The following CDH9 variants were observed in gnomAD, a reference collection of about 807,000 sequenced individuals.
CDH9 encodes the protein cadherin 9.
Under a neutral mutation model 70.9 loss-of-function variants are expected in CDH9, and 28 were observed. The ratio of observed to expected loss-of-function variants is 0.40; its 90% CI spans 0.29 to 0.54. The LOEUF (loss-of-function observed/expected upper bound fraction) is 0.54. CDH9 is among the 20% of genes least tolerant of loss of function. The pLI, the probability that CDH9 is intolerant of heterozygous loss-of-function variation, is 0.59. For synonymous variants in CDH9, 409 were observed against 343.1 expected, an observed-to-expected ratio of 1.19 and a Z score of -2.12; for missense variants, 874 against 984.4, an observed-to-expected ratio of 0.89 and a Z score of 1.50.
intron 7 of CDH9, among the ~76,000 whole-genome samples, chr5:26,895,397 C>A (rs1309933380): frequency 6.6e-6 from 1 of 151,854 alleles, no homozygotes. Flanking sequence ...AGAGAAGCAC[C>A]ACTATACAGG....
chr5:27,037,387 CT>C (rs747191575), intron 1 of CDH9, among the ~76,000 whole-genome samples: 38 of 152,036 alleles, frequency 2.5e-4, no homozygotes, highest in South Asian at 6.2e-4. Context: ...CTCCTCCAAT[CT>C]GTAGTCCATT....
chr5:26,972,835 C>T (rs967025767), intron 2 of CDH9, among the ~76,000 whole-genome samples: 1 of 151,600 alleles, frequency 6.6e-6, no homozygotes, highest in Admixed American at 6.6e-5. Context: ...CTTGATGCTG[C>T]TAACTGTAGC....
At chr5:26,883,041 T>TTATATA (rs59145200) in intron 11 of CDH9, among the ~76,000 whole-genome samples, 1 of 58,024 alleles carries the variant, frequency 1.7e-5, no homozygotes, top group African/African-American at 6.6e-5. Flanking sequence ...CAGGATCATC[T>TTATATA]TATATATATA....
Position 26,903,698 on chromosome 5 carries a change from G to T in CDH9, c.938C>A (p.Ala313Glu). 2 of 1,609,122 alleles carry T rather than the reference G, an allele frequency of 1.2e-6. No individual in the cohort carries two copies. Among genetic ancestry groups the T allele is most frequent in the Non-Finnish European group, 1.7e-6 (2 of 1,176,084 alleles). Residue 313 changes from alanine (A) to glutamate (E), a missense_variant, in exon 6 of 12, where the codon GCA (alanine) becomes GAA (glutamate). Transcript: ENST00000231021. The part of the protein sequence containing the change: ...MEYSIAEGDG[A>E]DMFDVITDKD... ...GTCAGTGATGACATCGAACATGTCT[G>T]CACCATCTCCTTCAGCAATGCTATA...
intron 1 of CDH9, among the ~76,000 whole-genome samples, chr5:27,011,247 A>G (rs1342479825): frequency 6.6e-6 from 1 of 152,112 alleles, no homozygotes; most frequent in Non-Finnish European, 1.5e-5. Context: ...GATATATTTA[A>G]GTCCCAACCC....
At chr5:27,008,686 A>G (rs1375334183) in intron 1 of CDH9, among the ~76,000 whole-genome samples, 1 of 152,126 alleles carries the variant, frequency 6.6e-6, no homozygotes, top group Non-Finnish European at 1.5e-5. Context: ...GTAAACTTAC[A>G]TTTGCCATTT....
rs59882843 is a variant in CDH9, at chr5:26,954,388, CTTTTT to C, written c.228+33713_228+33717del. Among the ~76,000 whole-genome samples the C allele has an allele frequency of 7.5e-5, 7 of 93,066 alleles. 1 individual carries two copies. Among genetic ancestry groups the C allele is most frequent in the African/African-American group, 3.3e-4 (7 of 21,252 alleles). The allele number at this position is 93,066 out of a possible 152,430, so 61.1% of individuals were successfully genotyped here. On this transcript the variant is annotated intron_variant, in intron 2 of 11. Coordinates refer to ENST00000231021, the MANE Select transcript of CDH9 (RefSeq NM_016279.4). The stretch of plus-strand genomic sequence containing the variant: ...AGCTTTTCGCTATTATACAGCCTTT[CTTTTT>C]TTTTTTTTTGAGACATAGTCTCGCT...
At chr5:26,940,307 A>C (rs1250526259) in intron 2 of CDH9, among the ~76,000 whole-genome samples, 1 of 152,220 alleles carries the variant, frequency 6.6e-6, no homozygotes, top group Non-Finnish European at 1.5e-5. Flanking sequence ...AAAGACTTGA[A>C]CATTTTCAGA....
intron 9 of CDH9, 34 bp from the exon 10 acceptor site, chr5:26,886,117 C>T: frequency 1.9e-6 from 3 of 1,561,450 alleles, no homozygotes; most frequent in Non-Finnish European, 2.6e-6. Context: ...ATTAATTAAG[C>T]CTAAGGCAAT....
At chr5:26,887,233 A>G (rs1740580261) in intron 9 of CDH9, among the ~76,000 whole-genome samples, 1 of 151,908 alleles carries the variant, frequency 6.6e-6, no homozygotes, top group Non-Finnish European at 1.5e-5. Flanking sequence ...AAATAATTAT[A>G]TAGGATCTAA....
Position 26,997,249 on chromosome 5 carries a change from ATG to A in CDH9, c.-49-8869_-49-8868del, listed in dbSNP as rs1012279316. ...GGATCGATTGTTTTCTGAGATGCAT[ATG>A]TGTGTGTGTATAAACATATATGTAT... is the stretch of plus-strand genomic sequence containing the variant. On this transcript the variant is annotated intron_variant, in intron 1 of 11. Coordinates refer to ENST00000231021, the MANE Select transcript of CDH9 (RefSeq NM_016279.4). 2.0e-5 allele frequency among the ~76,000 whole-genome samples: 3 copies of A among 152,086 alleles called. No individual in the cohort carries two copies. The South Asian group carries it at 6.2e-4, about 32-fold the overall frequency.
chr5:26,987,454 G>C (rs1742507719), intron 2 of CDH9, among the ~76,000 whole-genome samples: 1 of 151,808 alleles, frequency 6.6e-6, no homozygotes, highest in Non-Finnish European at 1.5e-5. Context: ...GAGAGATAAT[G>C]AGCTAAAGAA....
chr5:26,960,567 A>G (rs10079981), intron 2 of CDH9, among the ~76,000 whole-genome samples: 4,764 of 152,086 alleles, frequency 0.031, 261 homozygotes, highest in African/African-American at 0.11. Context: ...GAAAATTCCT[A>G]TGATCTTGAA....
At chr5:26,903,114 A>T (rs1740885666) in intron 6 of CDH9, 1 of 192,288 alleles carries the variant, frequency 5.2e-6, no homozygotes, top group Admixed American at 5.8e-5. Flanking sequence ...TACTTCAATT[A>T]TTTGAGCACT....
At chr5:26,936,862 C>T (rs578252758) in intron 2 of CDH9, among the ~76,000 whole-genome samples, 137 of 117,070 alleles carry the variant, frequency 1.2e-3, no homozygotes, top group African/African-American at 3.2e-3. Flanking sequence ...CACACACACA[C>T]GCACACACAC....
chr5:26,946,054 A>G (rs1356841996), intron 2 of CDH9, among the ~76,000 whole-genome samples: 1 of 152,162 alleles, frequency 6.6e-6, no homozygotes, highest in African/African-American at 2.4e-5. Flanking sequence ...AATTTCCTAG[A>G]CACTATGAGT....
intron 3 of CDH9, among the ~76,000 whole-genome samples, chr5:26,909,663 C>T (rs188882959): frequency 1.4e-4 from 21 of 150,832 alleles, no homozygotes; most frequent in Middle Eastern, 3.4e-3. Flanking sequence ...ATTCGCGAGA[C>T]CATTATTTTT....
chr5:26,934,170 G>T (rs932095846), intron 2 of CDH9, among the ~76,000 whole-genome samples: 1 of 152,094 alleles, frequency 6.6e-6, no homozygotes, highest in Non-Finnish European at 1.5e-5. Context: ...ATGGAACTGA[G>T]AGTAAGAGCT....
At chr5:26,988,689 A>C (rs186655666) in intron 1 of CDH9, among the ~76,000 whole-genome samples, 142 of 152,164 alleles carry the variant, frequency 9.3e-4, no homozygotes, top group East Asian at 6.4e-3. Flanking sequence ...TAAGTTCTAC[A>C]GCATACATAT....
Sources: gnomAD v4.1 joint callset for allele counts (sites outside exome capture counted in the v4.1 genomes callset) on GRCh38, gnomAD v4.1.1 for gene constraint, MANE v1.5 for transcripts, NCBI Gene and HGNC (gene_info 2026-07-23, HGNC 2026-07-21) for gene names.